CNIH3: variants seen among roughly 807,000 people sequenced by gnomAD.
CNIH3 encodes protein cornichon homolog 3.
Under a neutral mutation model 24.1 loss-of-function variants are expected in CNIH3, and 14 were observed. The ratio of observed to expected loss-of-function variants is 0.58; its 90% CI spans 0.38 to 0.91. The LOEUF (loss-of-function observed/expected upper bound fraction) is 0.91, where lower values mean the gene tolerates loss of function less well. CNIH3 is among the 40% of genes least tolerant of loss of function. CNIH3 has a pLI of 0.00. For synonymous variants in CNIH3, 68 were observed against 73.8 expected, an observed-to-expected ratio of 0.92 and a Z score of 0.40; for missense variants, 178 against 196.8, an observed-to-expected ratio of 0.90 and a Z score of 0.57.
In CNIH3 at chr1:224,739,698, C is replaced by T. The variant is rs1006112173; in HGVS notation, c.*342C>T. ...CCTGAATCCACTTCATTGAACAGCA[C>T]CTTGCAAGTTCAAATGAGTTCCTGG... On this transcript the variant is annotated 3_prime_UTR_variant, in exon 6 of 6. Transcript: ENST00000272133. 1 of 355,198 alleles carries T rather than the reference C, an allele frequency of 2.8e-6. No homozygotes were observed. Among genetic ancestry groups the T allele is most frequent in the African/African-American group, 2.1e-5 (1 of 46,732 alleles). The allele number at this position is 355,198 out of a possible 1,614,324, so 22.0% of individuals were successfully genotyped here. A position where few individuals can be genotyped will look rare whatever the true frequency, so the allele number is the denominator to read the frequency against.
chr1:224,589,593 G>A (rs1282222548), downstream of CNIH3, among the ~76,000 whole-genome samples: 3 of 152,200 alleles, frequency 2.0e-5, no homozygotes, highest in Non-Finnish European at 4.4e-5. Flanking sequence ...ACAGCTTAAT[G>A]TGATATTTCT....
intron 3 of CNIH3, among the ~76,000 whole-genome samples, chr1:224,719,951 G>A (rs955034539): frequency 1.3e-5 from 2 of 152,218 alleles, no homozygotes; most frequent in South Asian, 4.1e-4. Context: ...GCATGTGCTC[G>A]AATTCAGACA....
chr1:224,611,120 G>A (rs1465692891), intron 3 of CNIH3, among the ~76,000 whole-genome samples: 1 of 152,158 alleles, frequency 6.6e-6, no homozygotes, highest in East Asian at 1.9e-4. Flanking sequence ...AAATGTTAGA[G>A]TTCTGGCCAA....
chr1:224,650,059 C>T (rs901745415), intron 1 of CNIH3, among the ~76,000 whole-genome samples: 1 of 152,168 alleles, frequency 6.6e-6, no homozygotes, highest in Non-Finnish European at 1.5e-5. Context: ...TACAAAAATG[C>T]TCTTCCTCAG....
At chr1:224,568,162 T>C (rs578218281) in intron 4 of CNIH3, among the ~76,000 whole-genome samples, 11 of 152,212 alleles carry the variant, frequency 7.2e-5, no homozygotes, top group Admixed American at 6.5e-4. Flanking sequence ...TGGTGGCACG[T>C]GCCTGTTATC....
At chr1:224,736,180 C>G (rs115810256) in intron 5 of CNIH3, among the ~76,000 whole-genome samples, 1 of 152,134 alleles carries the variant, frequency 6.6e-6, no homozygotes, top group African/African-American at 2.4e-5. Context: ...GGCTAGACTA[C>G]AATGGCAGGA....
chr1:224,441,413 G>A (rs1318710128), intron 1 of CNIH3, among the ~76,000 whole-genome samples: 1 of 152,056 alleles, frequency 6.6e-6, no homozygotes, highest in African/African-American at 2.4e-5. Flanking sequence ...GTTCTTCTGG[G>A]GAATAAAGGG....
At chr1:224,578,862 G>A (rs966740392) in intron 4 of CNIH3, among the ~76,000 whole-genome samples, 2 of 152,070 alleles carry the variant, frequency 1.3e-5, no homozygotes, top group Admixed American at 1.3e-4. Context: ...GTTGTCTAAA[G>A]TTTCACAGAG....
chr1:224,515,644 C>A (rs1258659104), upstream of CNIH3: 1 of 152,158 alleles, frequency 6.6e-6, no homozygotes, highest in Non-Finnish European at 1.5e-5. Context: ...TCCACAGTTT[C>A]TTTTTTGAAA....
chr1:224,614,496 G>A (rs1430248477), upstream of CNIH3, among the ~76,000 whole-genome samples: 1 of 152,104 alleles, frequency 6.6e-6, no homozygotes, highest in Non-Finnish European at 1.5e-5. Flanking sequence ...CATATATTGA[G>A]ACCTATGTCT....
chr1:224,715,732 A>G (rs1032706627), intron 3 of CNIH3, among the ~76,000 whole-genome samples: 3 of 152,102 alleles, frequency 2.0e-5, no homozygotes, highest in Admixed American at 6.6e-5. Context: ...GGCTCTTTAT[A>G]ATAACCAGCT....
chr1:224,720,832 T>G (rs1463165197), intron 3 of CNIH3, among the ~76,000 whole-genome samples: 3 of 152,114 alleles, frequency 2.0e-5, no homozygotes, highest in Non-Finnish European at 2.9e-5. Context: ...GTATAAGAGA[T>G]AGCCCACGTG....
intron 1 of CNIH3, among the ~76,000 whole-genome samples, chr1:224,631,685 G>A (rs545134648): frequency 3.5e-3 from 539 of 152,238 alleles, no homozygotes; most frequent in Non-Finnish European, 5.7e-3. Context: ...GTCTCAAACC[G>A]TGGGCTGACA....
chr1:224,664,237 A>G (rs1422478357), intron 1 of CNIH3, among the ~76,000 whole-genome samples: 1 of 152,170 alleles, frequency 6.6e-6, no homozygotes, highest in African/African-American at 2.4e-5. Context: ...AGTGAGTTTC[A>G]GTTCCTTGCC....
downstream of CNIH3, among the ~76,000 whole-genome samples, chr1:224,592,695 CAG>C: frequency 6.6e-6 from 1 of 152,124 alleles, no homozygotes; most frequent in East Asian, 1.9e-4. Context: ...TTTAGAAGGG[CAG>C]AGGGCAGAAA....
intron 1 of CNIH3, chr1:224,454,398 A>C (rs1232577067): frequency 1.2e-6 from 1 of 814,594 alleles, no homozygotes; most frequent in East Asian, 1.2e-4. Context: ...AAATGTCATA[A>C]ACCATCCAGA....
chr1:224,596,658 T>TTGTCTA (rs1165904054), intron 3 of CNIH3, among the ~76,000 whole-genome samples: 3 of 152,210 alleles, frequency 2.0e-5, no homozygotes, highest in Admixed American at 6.5e-5. Context: ...GTATATGTTT[T>TTGTCTA]TGTCTATGGT....
chr1:224,527,797 A>G lies in CNIH3; in HGVS notation n.343+6470A>G, dbSNP rs539908997. ...ACATTAGATGCATCAAAACAATAGT[A>G]TGTACCCAATAAATATATAATTATG... On this transcript the variant is annotated intron_variant and non_coding_transcript_variant, in intron 2 of 2. Transcript: ENST00000470602. Among the ~76,000 whole-genome samples, 3 of 152,360 alleles carry G rather than the reference A, an allele frequency of 2.0e-5. No homozygotes were observed. The East Asian group carries it at 5.8e-4, about 29-fold the overall frequency.
chr1:224,640,495 G>A (rs1414603505), intron 1 of CNIH3, among the ~76,000 whole-genome samples: 2 of 152,232 alleles, frequency 1.3e-5, no homozygotes, highest in African/African-American at 2.4e-5. Context: ...AGGCACATGC[G>A]ATCTTAGGTG....
Sources: gnomAD v4.1 joint callset for allele counts (sites outside exome capture counted in the v4.1 genomes callset) on GRCh38, gnomAD v4.1.1 for gene constraint, MANE v1.5 for transcripts, NCBI Gene and HGNC (gene_info 2026-07-23, HGNC 2026-07-21) for gene names.